MAST4: variants seen among roughly 807,000 people sequenced by gnomAD.
MAST4 encodes the protein microtubule-associated serine/threonine-protein kinase 4.
Under a neutral mutation model 162.7 loss-of-function variants are expected in MAST4, and 89 were observed. The ratio of observed to expected loss-of-function variants is 0.55; its 90% CI spans 0.46 to 0.65. The LOEUF is 0.65. Ranked by LOEUF, MAST4 falls within the 30% of genes least tolerant of loss-of-function variation. The pLI is 0.00. For synonymous variants in MAST4, 1,479 were observed against 1,361.1 expected, an observed-to-expected ratio of 1.09 and a Z score of -1.91; for missense variants, 3,153 against 3,374.0, an observed-to-expected ratio of 0.93 and a Z score of 1.62.
chr5:66,629,401 T>G (rs928818581), intron 1 of MAST4, among the ~76,000 whole-genome samples: 1 of 152,212 alleles, frequency 6.6e-6, no homozygotes, highest in East Asian at 1.9e-4. Flanking sequence ...ACTTGTGCCT[T>G]GGCCTCTCCC....
intron 1 of MAST4, among the ~76,000 whole-genome samples, chr5:66,704,856 T>C (rs11738471): frequency 6.6e-6 from 1 of 152,220 alleles, no homozygotes; most frequent in African/African-American, 2.4e-5. Flanking sequence ...TTGTCTTTTG[T>C]GTATTCTTTT....
At chr5:67,093,165 T>C (rs1260237893) in intron 6 of MAST4, among the ~76,000 whole-genome samples, 1 of 152,192 alleles carries the variant, frequency 6.6e-6, no homozygotes, top group Non-Finnish European at 1.5e-5. Context: ...AAATGAGGGT[T>C]GTTATTTTTT....
chr5:67,053,497 G>C (rs538091469), intron 4 of MAST4, among the ~76,000 whole-genome samples: 123 of 152,250 alleles, frequency 8.1e-4, no homozygotes, highest in Non-Finnish European at 2.9e-4. Context: ...ATTAAATGAG[G>C]TAACTTGCTG....
intron 1 of MAST4, among the ~76,000 whole-genome samples, chr5:66,675,403 G>C (rs187434132): frequency 8.5e-5 from 13 of 152,270 alleles, no homozygotes; most frequent in African/African-American, 1.4e-4. Context: ...TGTGGTTAAT[G>C]ATGAGCCATT....
intron 1 of MAST4, among the ~76,000 whole-genome samples, chr5:66,693,720 A>G (rs1749208586): frequency 6.6e-6 from 1 of 151,066 alleles, no homozygotes. Flanking sequence ...GCTAGACGCT[A>G]TCAAATCTCT....
chr5:67,076,222 C>G (rs1761626562), intron 5 of MAST4, among the ~76,000 whole-genome samples: 1 of 152,168 alleles, frequency 6.6e-6, no homozygotes. Context: ...TTCTTGTTGG[C>G]TCCTTTTGCT....
chr5:67,013,235 G>C (rs1289173374), intron 4 of MAST4, among the ~76,000 whole-genome samples: 1 of 152,176 alleles, frequency 6.6e-6, no homozygotes, highest in Non-Finnish European at 1.5e-5. Context: ...GCTTTTAGCT[G>C]TTCAAAGTAA....
intron 3 of MAST4, among the ~76,000 whole-genome samples, chr5:66,877,547 A>C (rs27676): frequency 0.29 from 43,698 of 152,114 alleles, 6,498 homozygotes; most frequent in East Asian, 0.53. Flanking sequence ...CTGACTCCTG[A>C]TGGACGTACC....
intron 3 of MAST4, among the ~76,000 whole-genome samples, chr5:66,890,171 C>A (rs1317492243): frequency 6.6e-6 from 1 of 152,052 alleles, no homozygotes; most frequent in Non-Finnish European, 1.5e-5. Flanking sequence ...ACACAAAGTA[C>A]AATATGACTG....
chr5:66,936,660 ATG>A (rs1742782505), intron 4 of MAST4, among the ~76,000 whole-genome samples: 1 of 152,314 alleles, frequency 6.6e-6, no homozygotes, highest in Admixed American at 6.5e-5. Flanking sequence ...GTCCATCTGG[ATG>A]TGTACATGCA....
rs1230372994 is a variant in MAST4, at chr5:67,153,458, A to C, written c.3526A>C (p.Asn1176His). 1.2e-6 allele frequency: 2 copies of C among 1,602,986 alleles called. No homozygotes were observed. The highest frequency in any genetic ancestry group is 1.7e-6 in the Non-Finnish European group (2 of 1,174,536). The change falls in exon 26 of 29, where the codon AAT (asparagine) becomes CAT (histidine). Residue 1176 changes from asparagine to histidine, a missense_variant and splice_region_variant. By Grantham distance (68) the Asn-to-His change is moderately conservative. Transcript: ENST00000403625. ...DIYTVHHIVW[N>H]VEEGSPACQA... The stretch of plus-strand genomic sequence containing the variant: ...AATATCCTCTCCTCTTGGACTTTAG[A>C]ATGTAGAAGAAGGAAGTCCGGCATG...
At position 67,166,436 on chromosome 5, in the gene MAST4, GA is replaced by G; in HGVS notation, c.7260del (p.Gly2423ValfsTer15). 6.2e-7 allele frequency: 1 copy of G among 1,603,676 alleles called. No individual in the cohort carries two copies. The highest frequency in any genetic ancestry group is 8.5e-7 in the Non-Finnish European group (1 of 1,175,006). Reference protein sequence around the residue: ...VGKGFPEARGKGPGPQKPPTE... With the variant: ...VGKGFPEARGXGPGPQKPPTE... ...GGAAGGGCTTCCCTGAGGCCAGAGG[GA>G]AAGGGCCCGGTCCCCAGAAGCCACC... On this transcript the variant is annotated frameshift_variant, in exon 29 of 29. Coordinates refer to ENST00000403625, the MANE Select transcript of MAST4 (RefSeq NM_001164664.2). LOFTEE classifies it low-confidence loss of function (END_TRUNC).
At chr5:66,930,820 C>T in intron 4 of MAST4, 1 of 470,450 alleles carries the variant, frequency 2.1e-6, no homozygotes, top group Non-Finnish European at 4.4e-6. Context: ...TTTAGGATTA[C>T]ACAGTGCTGG....
intron 3 of MAST4, among the ~76,000 whole-genome samples, chr5:66,828,458 T>C (rs944638389): frequency 6.6e-6 from 1 of 152,196 alleles, no homozygotes; most frequent in Non-Finnish European, 1.5e-5. Flanking sequence ...CACTGTGACC[T>C]TATAGTTGCT....
At chr5:66,930,731 G>T (rs1255644096) in intron 4 of MAST4, 3 of 470,676 alleles carry the variant, frequency 6.4e-6, no homozygotes, top group African/African-American at 6.0e-5. Flanking sequence ...TTCTATCTGG[G>T]TTCACTGTCT....
chr5:66,741,116 T>C (rs889126992), intron 1 of MAST4, among the ~76,000 whole-genome samples: 10 of 152,216 alleles, frequency 6.6e-5, no homozygotes, highest in Non-Finnish European at 1.3e-4. Context: ...GGGCCTTTGA[T>C]ACTTGCCATT....
intron 12 of MAST4, 116 bp downstream of exon 12, chr5:67,114,335 G>C: frequency 7.8e-7 from 1 of 1,275,646 alleles, no homozygotes; most frequent in Non-Finnish European, 1.1e-6. Context: ...CTATTGATAA[G>C]TCCATATTTG....
intron 5 of MAST4, among the ~76,000 whole-genome samples, chr5:67,089,616 G>A (rs1437772898): frequency 6.6e-6 from 1 of 152,126 alleles, no homozygotes; most frequent in Non-Finnish European, 1.5e-5. Context: ...AAACTGCTGT[G>A]GTCTTCCCAG....
At chr5:66,657,359 A>T (rs1185513014) in intron 1 of MAST4, among the ~76,000 whole-genome samples, 1 of 152,228 alleles carries the variant, frequency 6.6e-6, no homozygotes, top group African/African-American at 2.4e-5. Flanking sequence ...TAGTTTAGCA[A>T]TCTGCAAACT....
Sources: gnomAD v4.1 joint callset for allele counts (sites outside exome capture counted in the v4.1 genomes callset) on GRCh38, gnomAD v4.1.1 for gene constraint, MANE v1.5 for transcripts, NCBI Gene and HGNC (gene_info 2026-07-23, HGNC 2026-07-21) for gene names.